The following TAF3 variants were observed in gnomAD, a reference collection of about 807,000 sequenced individuals.
The protein encoded by TAF3 is transcription initiation factor TFIID subunit 3.
TAF3 carries 7 observed loss-of-function variants against 80.6 expected under a neutral mutation model. That is an observed-to-expected ratio of 0.09 (90% CI 0.05 to 0.16). The LOEUF is 0.16. TAF3 is among the 10% of genes least tolerant of loss of function. The pLI is 1.00. For synonymous variants in TAF3, 444 were observed against 446.1 expected, an observed-to-expected ratio of 1.00 and a Z score of 0.06; for missense variants, 921 against 1,140.2, an observed-to-expected ratio of 0.81 and a Z score of 2.77.
intron 2 of TAF3, among the ~76,000 whole-genome samples, chr10:7,840,582 A>G (rs1397007114): frequency 6.6e-6 from 1 of 151,780 alleles, no homozygotes; most frequent in African/African-American, 2.4e-5. Flanking sequence ...GAAATTTAAC[A>G]TTTCTTTATC....
chr10:7,996,935 C>T (rs1488271806), intron 4 of TAF3, among the ~76,000 whole-genome samples: 1 of 150,902 alleles, frequency 6.6e-6, no homozygotes, highest in Non-Finnish European at 1.5e-5. Context: ...CTCACACAGT[C>T]TGCCTGCCTC....
At chr10:7,894,849 T>C (rs1293569429) in intron 2 of TAF3, among the ~76,000 whole-genome samples, 1 of 152,164 alleles carries the variant, frequency 6.6e-6, no homozygotes, top group Non-Finnish European at 1.5e-5. Flanking sequence ...TTATTTGATG[T>C]GCTCAAGCTT....
intron 2 of TAF3, among the ~76,000 whole-genome samples, chr10:7,944,150 GA>G (rs1048961851): frequency 3.3e-5 from 5 of 150,308 alleles, no homozygotes; most frequent in African/African-American, 1.2e-4. Flanking sequence ...GGGGGGGAGG[GA>G]AAAGGTAGAT....
chr10:7,964,598 A>T lies in TAF3; in HGVS notation c.1088A>T (p.Gln363Leu). 1 of 1,614,156 alleles carries T rather than the reference A, an allele frequency of 6.2e-7. No homozygotes were observed. The highest frequency in any genetic ancestry group is 8.5e-7 in the Non-Finnish European group (1 of 1,180,040). Residue 363 changes from glutamine to leucine, a missense_variant, in exon 3 of 7, where the codon CAG becomes CTG. Physicochemically the swap from Gln to Leu is moderately radical, Grantham distance 113. This residue lies in a region of TAF3 where 743 missense variants were observed against 821.0 expected (regional missense o/e 0.90). Transcript: ENST00000344293. The surrounding 1 kb of genome is among the most constrained non-coding windows in gnomAD (Gnocchi z 4.1). ...SKETIQVKQIQTPPDAGKLNS... is the reference protein window; with the variant it reads ...SKETIQVKQILTPPDAGKLNS... ...GAGACTATCCAGGTAAAACAAATACAGACACCCCCTGATGCTGGGAAACTG... is the reference window on the plus strand; with the variant it reads ...GAGACTATCCAGGTAAAACAAATACTGACACCCCCTGATGCTGGGAAACTG...
At chr10:7,981,416 C>T (rs1318983632) in intron 4 of TAF3, among the ~76,000 whole-genome samples, 1 of 152,104 alleles carries the variant, frequency 6.6e-6, no homozygotes. Context: ...TCTAGACATC[C>T]CATCATGCAT....
intron 2 of TAF3, among the ~76,000 whole-genome samples, chr10:7,946,018 A>G (rs1157469776): frequency 6.6e-6 from 1 of 152,180 alleles, no homozygotes; most frequent in Non-Finnish European, 1.5e-5. Flanking sequence ...CTTGTTATGC[A>G]CACCTGACCC....
intron 2 of TAF3, among the ~76,000 whole-genome samples, chr10:7,865,112 GGGAAGTGAGT>G (rs1217435088): frequency 6.6e-6 from 1 of 152,130 alleles, no homozygotes; most frequent in Non-Finnish European, 1.5e-5. Context: ...AAGCTTCAGA[GGGAAGTGAGT>G]GGGGCCTGGG....
intron 2 of TAF3, among the ~76,000 whole-genome samples, chr10:7,867,264 C>A (rs549047336): frequency 3.9e-5 from 6 of 151,970 alleles, no homozygotes; most frequent in Non-Finnish European, 7.4e-5. Flanking sequence ...CACACACACA[C>A]ACACACAAAA....
chr10:7,953,761 C>A (rs1328917129), intron 2 of TAF3, among the ~76,000 whole-genome samples: 2 of 152,232 alleles, frequency 1.3e-5, no homozygotes, highest in African/African-American at 4.8e-5. Context: ...TAGTGAGATT[C>A]AGAGTGCACA....
At position 7,824,332 on chromosome 10, in the gene TAF3, C is replaced by G. The variant is rs1467805393; in HGVS notation, c.181C>G (p.Pro61Ala). The part of the protein sequence containing the change: ...RYSELYGRTD[P>A]ILDDVGEAFQ... The stretch of plus-strand genomic sequence containing the variant: ...CTTTGTTTCAGATGGCCGAACAGAC[C>G]CAATTTTGGATGATGTTGGTGAAGC... The change falls in exon 2 of 7, where the codon CCA becomes GCA. Residue 61 changes from proline (P) to alanine (A), a missense_variant. Transcript: ENST00000344293. 3 of 1,612,540 alleles carry G rather than the reference C, an allele frequency of 1.9e-6. No homozygotes were observed. The highest frequency in any genetic ancestry group is 2.5e-6 in the Non-Finnish European group (3 of 1,179,054).
At chr10:7,954,578 G>A (rs1267053096) in intron 2 of TAF3, among the ~76,000 whole-genome samples, 1 of 138,556 alleles carries the variant, frequency 7.2e-6, no homozygotes, top group Non-Finnish European at 1.6e-5. Context: ...GTGAGATTTA[G>A]AGTGCACTCC....
chr10:7,882,142 T>C (rs1260339945), intron 2 of TAF3, among the ~76,000 whole-genome samples: 1 of 152,260 alleles, frequency 6.6e-6, no homozygotes, highest in Non-Finnish European at 1.5e-5. Context: ...AAAACAATTA[T>C]AAATTTCAAG....
chr10:7,936,063 G>A (rs753328896), intron 2 of TAF3, among the ~76,000 whole-genome samples: 3 of 152,112 alleles, frequency 2.0e-5, no homozygotes, highest in Non-Finnish European at 1.5e-5. Flanking sequence ...TCCTGGACTA[G>A]TGTGATTGTA....
At chr10:7,994,977 GAAAAAA>G (rs71287400) in intron 4 of TAF3, among the ~76,000 whole-genome samples, 1,176 of 97,694 alleles carry the variant, frequency 0.012, 12 homozygotes, top group African/African-American at 0.041. Context: ...CTCAAAAAAA[GAAAAAA>G]AAAAAAAAAA....
At chr10:7,984,225 T>C (rs1211614699) in intron 4 of TAF3, among the ~76,000 whole-genome samples, 1 of 152,190 alleles carries the variant, frequency 6.6e-6, no homozygotes, top group Non-Finnish European at 1.5e-5. Flanking sequence ...GTCTCTAAAT[T>C]TAGTTTTTAC....
At chr10:7,975,827 C>A (rs1484948131) in intron 3 of TAF3, among the ~76,000 whole-genome samples, 1 of 152,048 alleles carries the variant, frequency 6.6e-6, no homozygotes. Context: ...CCTTTAGAAC[C>A]ACTATACTGT....
chr10:7,843,772 A>G (rs1017652795), intron 2 of TAF3, among the ~76,000 whole-genome samples: 9 of 151,904 alleles, frequency 5.9e-5, no homozygotes, highest in Non-Finnish European at 1.2e-4. Context: ...ATGTAATCAG[A>G]CTTGGTTTAA....
At chr10:7,823,854 C>T (rs142993307) in intron 1 of TAF3, among the ~76,000 whole-genome samples, 27 of 151,720 alleles carry the variant, frequency 1.8e-4, no homozygotes, top group African/African-American at 3.9e-4. Flanking sequence ...AGGTTGGTCT[C>T]GAACCCTTGA....
intron 2 of TAF3, among the ~76,000 whole-genome samples, chr10:7,963,084 A>G (rs1300052364): frequency 2.6e-5 from 4 of 152,150 alleles, no homozygotes; most frequent in Non-Finnish European, 5.9e-5. Flanking sequence ...AAGTGCCTAA[A>G]CCAAGTGTAT....
Sources: gnomAD v4.1 joint callset for allele counts (sites outside exome capture counted in the v4.1 genomes callset) on GRCh38, gnomAD v4.1.1 for gene constraint, gnomAD v4.1.1 regional missense constraint, Gnocchi (gnomAD v3.1) non-coding constraint, MANE v1.5 for transcripts, NCBI Gene and HGNC (gene_info 2026-07-23, HGNC 2026-07-21) for gene names.